The following TMEM217B variants were observed in gnomAD, a reference collection of about 807,000 sequenced individuals.
TMEM217B encodes putative transmembrane protein 217B.
the TMEM217B span, among the ~76,000 whole-genome samples, chr6:37,215,570 CAAA>C: frequency 4.1e-5 from 3 of 72,374 alleles, no homozygotes; most frequent in African/African-American, 6.0e-5. Context: ...GACTCTGTCT[CAAA>C]AAAAAAAAAA....
the TMEM217B span, among the ~76,000 whole-genome samples, chr6:37,245,422 C>T: frequency 6.6e-6 from 1 of 152,254 alleles, no homozygotes; most frequent in Non-Finnish European, 1.5e-5. Flanking sequence ...TTCTGTGCTG[C>T]TTCTGCTTCT....
chr6:37,212,872 C>A, the TMEM217B span: 1 of 1,476,830 alleles, frequency 6.8e-7, no homozygotes, highest in Non-Finnish European at 9.3e-7. Flanking sequence ...GGCCTCATAG[C>A]AAATGTGTGT....
the TMEM217B span, among the ~76,000 whole-genome samples, chr6:37,248,652 C>A: frequency 6.6e-6 from 1 of 152,136 alleles, no homozygotes; most frequent in Non-Finnish European, 1.5e-5. Context: ...AATGTTCCTG[C>A]CAATTACTAG....
At chr6:37,252,631 ATATATATTTTT>A in the TMEM217B span, among the ~76,000 whole-genome samples, 9 of 77,326 alleles carry the variant, frequency 1.2e-4, no homozygotes, top group Admixed American at 6.0e-4. Context: ...ATATATATAT[ATATATATTTTT>A]TTTTTTTTTT....
the TMEM217B span, among the ~76,000 whole-genome samples, chr6:37,224,235 G>A: frequency 1.9e-4 from 29 of 150,312 alleles, 1 homozygote; most frequent in South Asian, 1.3e-3. Flanking sequence ...CACCGCGCCC[G>A]GCCTCTGCCT....
the TMEM217B span, among the ~76,000 whole-genome samples, chr6:37,231,796 A>G: frequency 1.3e-5 from 2 of 149,122 alleles, no homozygotes; most frequent in Non-Finnish European, 3.0e-5. Context: ...AGATAAATGT[A>G]CAATTTTTTT....
the TMEM217B span, chr6:37,219,062 A>C: frequency 1.3e-6 from 2 of 1,590,362 alleles, no homozygotes. Flanking sequence ...AAACAACATG[A>C]GGGAGAATTC....
chr6:37,213,588 A>T, the TMEM217B span, among the ~76,000 whole-genome samples: 76 of 152,378 alleles, frequency 5.0e-4, no homozygotes, highest in African/African-American at 1.4e-3. Flanking sequence ...CAGGGCCAAG[A>T]TGCCTTAACA....
chr6:37,229,461 G>C, the TMEM217B span, among the ~76,000 whole-genome samples: 1 of 141,464 alleles, frequency 7.1e-6, no homozygotes, highest in Admixed American at 7.6e-5. Context: ...TCCTTCCTCA[G>C]CCTCCCGAGT....
the TMEM217B span, among the ~76,000 whole-genome samples, chr6:37,252,637 A>ATAT: frequency 1.1e-4 from 8 of 71,366 alleles, no homozygotes; most frequent in African/African-American, 2.6e-4. Context: ...ATATATATAT[A>ATAT]TTTTTTTTTT....
At chr6:37,250,222 T>C in the TMEM217B span, among the ~76,000 whole-genome samples, 1 of 152,182 alleles carries the variant, frequency 6.6e-6, no homozygotes, top group African/African-American at 2.4e-5. Context: ...AAGGGAATTA[T>C]TAATACAAAA....
the TMEM217B span, among the ~76,000 whole-genome samples, chr6:37,222,359 A>C: frequency 6.6e-6 from 1 of 152,150 alleles, no homozygotes; most frequent in Non-Finnish European, 1.5e-5. Context: ...CCGAGATTTG[A>C]ACTGGTGCCG....
At chr6:37,256,061 A>C in the TMEM217B span, among the ~76,000 whole-genome samples, 1 of 152,246 alleles carries the variant, frequency 6.6e-6, no homozygotes, top group Non-Finnish European at 1.5e-5. Context: ...TACACAAATC[A>C]TACTTTGCTT....
chr6:37,214,116 C>T, the TMEM217B span, among the ~76,000 whole-genome samples: 1 of 152,352 alleles, frequency 6.6e-6, no homozygotes, highest in East Asian at 1.9e-4. Flanking sequence ...GTAAAATATA[C>T]AGAATGTAAA....
chr6:37,218,749 C>G, the TMEM217B span: 1,973 of 1,614,134 alleles, frequency 1.2e-3, 12 homozygotes, highest in African/African-American at 9.9e-3. Context: ...TGTAGATGAC[C>G]AGGCCCCTGA....
chr6:37,248,264 T>C, the TMEM217B span, among the ~76,000 whole-genome samples: 1 of 152,158 alleles, frequency 6.6e-6, no homozygotes, highest in Non-Finnish European at 1.5e-5. Flanking sequence ...GGGCTGTATG[T>C]TTACAGTGCT....
chr6:37,255,322 A>AAGTAC, the TMEM217B span, among the ~76,000 whole-genome samples: 1 of 152,108 alleles, frequency 6.6e-6, no homozygotes, highest in African/African-American at 2.4e-5. Flanking sequence ...ATTTTATGCC[A>AAGTAC]AGTACAATGG....
the TMEM217B span, among the ~76,000 whole-genome samples, chr6:37,247,730 TG>T: frequency 6.6e-6 from 1 of 151,862 alleles, no homozygotes; most frequent in Admixed American, 6.6e-5. Context: ...CTTAATCCTG[TG>T]AAAAAAACTC....
the TMEM217B span, chr6:37,218,106 C>T: frequency 9.6e-7 from 1 of 1,036,514 alleles, no homozygotes; most frequent in African/African-American, 1.7e-5. Context: ...TCTGAGAGAC[C>T]TACCTCTTAT....
Sources: gnomAD v4.1 joint callset for allele counts (sites outside exome capture counted in the v4.1 genomes callset) on GRCh38, gnomAD v4.1.1 for gene constraint, MANE v1.5 for transcripts, NCBI Gene and HGNC (gene_info 2026-07-23, HGNC 2026-07-21) for gene names.